MAGI3: variants seen among roughly 807,000 people sequenced by gnomAD.
MAGI3 encodes membrane associated guanylate kinase, WW and PDZ domain containing 3, also known as membrane-associated guanylate kinase, WW and PDZ domain-containing protein 3.
A neutral mutation model predicts 121.8 loss-of-function variants in MAGI3; 43 were observed. The ratio of observed to expected loss-of-function variants is 0.35; its 90% confidence interval spans 0.28 to 0.46. The LOEUF is 0.46. Ranked by LOEUF, MAGI3 falls within the 20% of genes least tolerant of loss-of-function variation. MAGI3 has a pLI of 1.00. For missense variants in MAGI3, 1,547 were observed against 1,797.3 expected, an observed-to-expected ratio of 0.86 and a Z score of 2.52; for synonymous variants, 553 against 639.3, an observed-to-expected ratio of 0.86 and a Z score of 2.04.
intron 6 of MAGI3, among the ~76,000 whole-genome samples, chr1:113,600,798 A>C (rs1174403764): frequency 6.6e-6 from 1 of 152,224 alleles, no homozygotes; most frequent in Non-Finnish European, 1.5e-5. Context: ...AGCTGGAGGC[A>C]TCACACTACC....
At chr1:113,487,098 A>G (rs1240083006) in intron 1 of MAGI3, among the ~76,000 whole-genome samples, 1 of 152,238 alleles carries the variant, frequency 6.6e-6, no homozygotes, top group Non-Finnish European at 1.5e-5. Context: ...ATAATTTAAC[A>G]GATATTTAAA....
intron 19 of MAGI3, 123 bp downstream of exon 19, chr1:113,673,588 C>A: frequency 9.3e-7 from 1 of 1,075,752 alleles, no homozygotes; most frequent in Non-Finnish European, 1.3e-6. Context: ...GATTTGTCAT[C>A]ACTGGTAGCT....
At chr1:113,423,573 G>A (rs1279806799) in intron 1 of MAGI3, among the ~76,000 whole-genome samples, 1 of 152,090 alleles carries the variant, frequency 6.6e-6, no homozygotes, top group Non-Finnish European at 1.5e-5. Flanking sequence ...GCCCTGCTGA[G>A]TCTGGGGGTT....
intron 1 of MAGI3, among the ~76,000 whole-genome samples, chr1:113,481,542 A>G (rs1338942027): frequency 4.6e-5 from 7 of 151,992 alleles, no homozygotes; most frequent in Non-Finnish European, 1.0e-4. Flanking sequence ...TGAAAAAGAG[A>G]AGCAAGCTTC....
At chr1:113,630,506 C>T (rs1024633433) in intron 9 of MAGI3, among the ~76,000 whole-genome samples, 1 of 152,162 alleles carries the variant, frequency 6.6e-6, no homozygotes, top group African/African-American at 2.4e-5. Flanking sequence ...ACCTTTCCCC[C>T]TACTTTTCTC....
At position 113,450,320 on chromosome 1, in the gene MAGI3, T is replaced by G. The variant is rs190065447; in HGVS notation, c.316+58971T>G. 3.3e-5 allele frequency: 50 copies of G among 1,506,206 alleles called. No individual in the cohort carries two copies. In the East Asian group the frequency reaches 1.1e-3, roughly 33 times the overall value. 93.3% of individuals were successfully genotyped at this position (1,506,206 alleles called of 1,614,324 possible). Reference sequence around the variant, plus strand: ...AATTTTATGGGTCGCGGAGGAAACTTTGGAGGTGGTGGAGGAGCTATGGTG... The same window carrying G: ...AATTTTATGGGTCGCGGAGGAAACTGTGGAGGTGGTGGAGGAGCTATGGTG... On this transcript the variant is annotated intron_variant, in intron 1 of 20. Transcript: ENST00000307546.
chr1:113,474,139 G>C (rs1655685889), intron 1 of MAGI3, among the ~76,000 whole-genome samples: 1 of 152,122 alleles, frequency 6.6e-6, no homozygotes, highest in Admixed American at 6.5e-5. Context: ...ATTTGTTTGA[G>C]TTCATTGTAG....
chr1:113,413,829 G>A (rs1009214468), intron 1 of MAGI3, among the ~76,000 whole-genome samples: 3 of 152,078 alleles, frequency 2.0e-5, no homozygotes, highest in African/African-American at 4.8e-5. Flanking sequence ...TGCAAACAGG[G>A]ACAATTTGAC....
chr1:113,519,899 A>T (rs138585075), intron 1 of MAGI3, among the ~76,000 whole-genome samples: 2 of 152,346 alleles, frequency 1.3e-5, no homozygotes, highest in African/African-American at 4.8e-5. Context: ...CTCTCCCAAA[A>T]TCCAGAATCC....
At chr1:113,555,492 C>T (rs1659950162) in intron 2 of MAGI3, among the ~76,000 whole-genome samples, 1 of 152,106 alleles carries the variant, frequency 6.6e-6, no homozygotes, top group Non-Finnish European at 1.5e-5. Flanking sequence ...TTAGAAGATG[C>T]CACCCAACAG....
chr1:113,404,451 C>G (rs1055351548), intron 1 of MAGI3: 1 of 152,094 alleles, frequency 6.6e-6, no homozygotes, highest in Admixed American at 6.5e-5. Context: ...GATAAATACT[C>G]AAAACAAATT....
Position 113,401,827 on chromosome 1 carries a change from G to A in MAGI3, c.316+10478G>A, listed in dbSNP as rs1557736177. Among the ~76,000 whole-genome samples, 5 of 152,164 alleles carry A rather than the reference G, an allele frequency of 3.3e-5. No individual in the cohort carries two copies. In the South Asian group the frequency reaches 1.0e-3, roughly 32 times the overall value. On this transcript the variant is annotated intron_variant, in intron 1 of 20. Transcript: ENST00000307546. ...AAGCTAGGTAAAAGAATAACTCATTGCATTTAAGTAGACCTTTCTCCTTCT... is the reference window on the plus strand; with the variant it reads ...AAGCTAGGTAAAAGAATAACTCATTACATTTAAGTAGACCTTTCTCCTTCT...
At chr1:113,556,585 C>A (rs202151321) in intron 2 of MAGI3, among the ~76,000 whole-genome samples, 1 of 127,216 alleles carries the variant, frequency 7.9e-6, no homozygotes, top group Non-Finnish European at 1.6e-5. Context: ...GAGACAGAGT[C>A]TCACTCTGTC....
intron 1 of MAGI3, among the ~76,000 whole-genome samples, chr1:113,538,831 A>G (rs1242875333): frequency 6.6e-6 from 1 of 152,238 alleles, no homozygotes; most frequent in Non-Finnish European, 1.5e-5. Flanking sequence ...AATTTATCCT[A>G]GGAATGGTGA....
chr1:113,634,719 T>C (rs1266113668), intron 9 of MAGI3, among the ~76,000 whole-genome samples: 8 of 152,000 alleles, frequency 5.3e-5, no homozygotes, highest in Non-Finnish European at 1.0e-4. Flanking sequence ...AATGTGGGCT[T>C]TTTTTTGGTT....
At position 113,437,955 on chromosome 1, in the gene MAGI3, T is replaced by C. The variant is rs146750254; in HGVS notation, c.316+46606T>C. 5.4e-3 allele frequency among the ~76,000 whole-genome samples: 777 copies of C among 143,596 alleles called. 14 individuals are homozygous for C. Among genetic ancestry groups the C allele is most frequent in the African/African-American group, 0.015 (557 of 38,154 alleles). 94.2% of individuals were successfully genotyped at this position (143,596 alleles called of 152,430 possible). On this transcript the variant is annotated intron_variant, in intron 1 of 20. Coordinates refer to ENST00000307546, the MANE Select transcript of MAGI3 (RefSeq NM_001142782.2). ...TCCTTCTCCTTCTCCTTCTCCTTCT[T>C]CTTTTCTTTTTTGAATATATAGAGA...
intron 16 of MAGI3, among the ~76,000 whole-genome samples, chr1:113,660,922 G>A (rs1054992064): frequency 3.3e-5 from 5 of 151,712 alleles, no homozygotes; most frequent in African/African-American, 9.7e-5. Context: ...TTTTTTGAAT[G>A]AAGGAATGAG....
Position 113,685,353 on chromosome 1 carries a change from T to TAA in MAGI3, c.*1342_*1343dup, listed in dbSNP as rs1648481275. The TAA allele has an allele frequency of 6.6e-6, 1 of 152,386 alleles. No individual in the cohort carries two copies. The highest frequency in any genetic ancestry group is 2.1e-4 in the South Asian group (1 of 4,836). 9.4% of individuals were successfully genotyped at this position (152,386 alleles called of 1,614,324 possible). On this transcript the variant is annotated 3_prime_UTR_variant, in exon 21 of 21. Coordinates refer to ENST00000307546, the MANE Select transcript of MAGI3 (RefSeq NM_001142782.2). ...TATAAATAAAGGCACCTTCTGAGAA[T>TAA]AAAACTATTTTATGGAGTGTGTGAA...
intron 1 of MAGI3, among the ~76,000 whole-genome samples, chr1:113,462,932 G>A (rs981147540): frequency 6.6e-6 from 1 of 152,116 alleles, no homozygotes; most frequent in African/African-American, 2.4e-5. Flanking sequence ...CTGAGGCCCT[G>A]TAATATATCT....
Sources: allele counts gnomAD v4.1 joint callset (sites outside exome capture counted in the v4.1 genomes callset), GRCh38; gene constraint gnomAD v4.1.1; transcripts MANE v1.5; gene names NCBI Gene and HGNC (gene_info 2026-07-23, HGNC 2026-07-21).